The following WFDC11 variants were observed in gnomAD, a reference collection of about 807,000 sequenced individuals.
The protein encoded by WFDC11 is protein WFDC11.
WFDC11 carries 9 observed loss-of-function variants against 9.9 expected under a neutral mutation model. That is an observed-to-expected ratio of 0.91 (90% confidence interval 0.55 to 1.58). The LOEUF is 1.58. Among genes scored for constraint, WFDC11 ranks in the 40% most tolerant of loss-of-function variants. WFDC11 has a pLI of 0.00. For synonymous variants in WFDC11, 32 were observed against 33.3 expected, an observed-to-expected ratio of 0.96 and a Z score of 0.13; for missense variants, 106 against 101.7, an observed-to-expected ratio of 1.04 and a Z score of -0.18.
intron 2 of WFDC11, among the ~76,000 whole-genome samples, chr20:45,663,965 G>T (rs557484182): frequency 2.0e-5 from 3 of 152,264 alleles, no homozygotes; most frequent in African/African-American, 7.2e-5. Flanking sequence ...CTGAGTTCAA[G>T]TCCTGGATAT....
At chr20:45,661,882 G>A (rs1419236721) in intron 2 of WFDC11, among the ~76,000 whole-genome samples, 1 of 152,286 alleles carries the variant, frequency 6.6e-6, no homozygotes, top group African/African-American at 2.4e-5. Context: ...TTTGGCTTAG[G>A]ATTGTCTTGG....
intron 2 of WFDC11, among the ~76,000 whole-genome samples, chr20:45,655,812 A>G (rs1568662086): frequency 6.6e-6 from 1 of 152,228 alleles, no homozygotes; most frequent in Non-Finnish European, 1.5e-5. Flanking sequence ...GAGCCAAATC[A>G]TGAGTGAACT....
At chr20:45,657,848 G>C (rs1982970055) in intron 2 of WFDC11, among the ~76,000 whole-genome samples, 1 of 152,114 alleles carries the variant, frequency 6.6e-6, no homozygotes. Context: ...AGTGTTCTGA[G>C]CACATTTAAA....
chr20:45,650,073 C>T (rs1982767776), intron 3 of WFDC11, among the ~76,000 whole-genome samples: 2 of 152,142 alleles, frequency 1.3e-5, no homozygotes, highest in Non-Finnish European at 2.9e-5. Context: ...CCATTTGGTA[C>T]TCATATGACA....
chr20:45,669,850 G>C (rs1384796464), intron 1 of WFDC11, among the ~76,000 whole-genome samples: 1 of 152,028 alleles, frequency 6.6e-6, no homozygotes, highest in African/African-American at 2.4e-5. Flanking sequence ...ATGGAGATAA[G>C]GGAAACCATA....
chr20:45,664,824 A>G (rs905807125), intron 2 of WFDC11, among the ~76,000 whole-genome samples: 1 of 152,074 alleles, frequency 6.6e-6, no homozygotes, highest in African/African-American at 2.4e-5. Context: ...GGGTAACCTG[A>G]CCCTTCTCTC....
At chr20:45,665,455 A>C (rs1391746537) in intron 2 of WFDC11, among the ~76,000 whole-genome samples, 1 of 152,106 alleles carries the variant, frequency 6.6e-6, no homozygotes, top group African/African-American at 2.4e-5. Context: ...GCTTTGTTCC[A>C]TTGCTGCCGA....
intron 2 of WFDC11, among the ~76,000 whole-genome samples, chr20:45,664,508 T>C (rs761865599): frequency 6.6e-6 from 1 of 152,262 alleles, no homozygotes; most frequent in Admixed American, 6.5e-5. Context: ...AGTTTCTTCA[T>C]AGCCTTCATG....
chr20:45,654,647 G>T (rs1465473560), intron 2 of WFDC11, among the ~76,000 whole-genome samples: 1 of 152,116 alleles, frequency 6.6e-6, no homozygotes, highest in Non-Finnish European at 1.5e-5. Flanking sequence ...CCAGGAGCTG[G>T]TTTTTTGAAA....
rs779593840 is a variant in WFDC11 at position 45,648,755 on chromosome 20, G to T, written c.244-16C>A. 2.1e-5 allele frequency: 34 copies of T among 1,613,814 alleles called. No individual in the cohort carries two copies. In the South Asian group the frequency reaches 3.0e-4, roughly 14 times the overall value. On this transcript the variant is annotated splice_polypyrimidine_tract_variant and intron_variant, in intron 4 of 4. Coordinates refer to ENST00000324384, the MANE Select transcript of WFDC11 (RefSeq NM_147197.2). ...CACTGGTTTCCTGTAAAACAAAAAG[G>T]TTAGATTTTTAGAGGCTAGAGAACT...
Position 45,663,587 on chromosome 20 carries a change from C to T in WFDC11, c.-52+3501G>A, listed in dbSNP as rs543317412. Among the ~76,000 whole-genome samples, 156 of 152,318 alleles carry T rather than the reference C, an allele frequency of 1.0e-3. 2 individuals carry two copies. Among genetic ancestry groups the T allele is most frequent in the African/African-American group, 3.5e-3 (145 of 41,574 alleles). On this transcript the variant is annotated intron_variant, in intron 2 of 4. Coordinates refer to ENST00000324384, the MANE Select transcript of WFDC11 (RefSeq NM_147197.2). ...TTAGTGCTATAAATTTCCCTCTATG[C>T]ACTGCTTAAAATGTGTCCCAGAGAT... is the stretch of plus-strand genomic sequence containing the variant.
chr20:45,657,325 T>A (rs1600938881), intron 2 of WFDC11, among the ~76,000 whole-genome samples: 1 of 150,990 alleles, frequency 6.6e-6, no homozygotes. Context: ...CAGCAAACTA[T>A]CGCAAGGACA....
intron 2 of WFDC11, among the ~76,000 whole-genome samples, chr20:45,662,614 A>T (rs1983095193): frequency 2.0e-5 from 3 of 152,218 alleles, no homozygotes; most frequent in African/African-American, 7.2e-5. Context: ...ATTTATTAAA[A>T]GTTTTTAGCA....
intron 2 of WFDC11, among the ~76,000 whole-genome samples, chr20:45,655,573 T>C (rs1982911140): frequency 6.6e-6 from 1 of 152,202 alleles, no homozygotes; most frequent in East Asian, 1.9e-4. Context: ...GTGTTGGAAG[T>C]TCTGGCCAGG....
At chr20:45,667,738 T>G (rs774838086) in intron 1 of WFDC11, among the ~76,000 whole-genome samples, 7 of 152,216 alleles carry the variant, frequency 4.6e-5, no homozygotes, top group Admixed American at 1.3e-4. Flanking sequence ...ATTTCCTCAT[T>G]TTTAAAGTGA....
At chr20:45,659,931 G>A (rs1983019504) in intron 2 of WFDC11, among the ~76,000 whole-genome samples, 1 of 152,100 alleles carries the variant, frequency 6.6e-6, no homozygotes, top group Admixed American at 6.6e-5. Flanking sequence ...TCCTGCATAT[G>A]GCTGGCCAGT....
chr20:45,667,869 A>G (rs998391718), intron 1 of WFDC11, among the ~76,000 whole-genome samples: 5 of 152,254 alleles, frequency 3.3e-5, no homozygotes, highest in Admixed American at 2.6e-4. Context: ...AAATAAACCA[A>G]TAAAACACTT....
At chr20:45,650,699 G>A in intron 2 of WFDC11, 48 bp from the exon 3 acceptor site, 1 of 1,002,138 alleles carries the variant, frequency 1.0e-6, no homozygotes, top group Non-Finnish European at 1.5e-6. Context: ...TGAAGCAAGA[G>A]AAAGTGCTTG....
intron 2 of WFDC11, among the ~76,000 whole-genome samples, chr20:45,659,412 C>G (rs73620949): frequency 6.6e-6 from 1 of 152,092 alleles, no homozygotes; most frequent in African/African-American, 2.4e-5. Flanking sequence ...TTCTAACTGG[C>G]GTGAGATGGT....
Sources: allele counts gnomAD v4.1 joint callset (sites outside exome capture counted in the v4.1 genomes callset), GRCh38; gene constraint gnomAD v4.1.1; transcripts MANE v1.5; gene names NCBI Gene and HGNC (gene_info 2026-07-23, HGNC 2026-07-21).